Variants in PCDH15 observed in about 807,000 individuals in gnomAD.
The protein encoded by PCDH15 is protocadherin-15.
A neutral mutation model predicts 178.5 loss-of-function variants in PCDH15; 129 were observed. The ratio of observed to expected loss-of-function variants is 0.72; its 90% CI spans 0.63 to 0.84. The LOEUF is 0.84. Among genes scored for constraint, PCDH15 ranks in the 40% least tolerant of loss-of-function variants. The pLI is 0.00. For missense variants in PCDH15, 2,230 were observed against 2,099.9 expected (o/e 1.06, Z -1.21); for synonymous variants, 800 against 732.0 (o/e 1.09, Z -1.50).
At chr10:54,050,153 A>C (rs79275365) in intron 18 of PCDH15, among the ~76,000 whole-genome samples, 4,006 of 152,128 alleles carry the variant, frequency 0.026, 138 homozygotes, top group South Asian at 0.15. Context: ...TCTTCTCTGT[A>C]TGTCTGGTAG....
intron 2 of PCDH15, among the ~76,000 whole-genome samples, chr10:55,115,317 C>T (rs979568661): frequency 6.6e-6 from 1 of 152,174 alleles, no homozygotes; most frequent in African/African-American, 2.4e-5. Context: ...GCCTTTGACA[C>T]TGGTAGCATC....
At chr10:54,681,719 A>C (rs1411554437) in intron 1 of PCDH15, among the ~76,000 whole-genome samples, 1 of 152,194 alleles carries the variant, frequency 6.6e-6, no homozygotes, top group Non-Finnish European at 1.5e-5. Context: ...GCAAGTGAGC[A>C]ACCAAATGCG....
intron 1 of PCDH15, among the ~76,000 whole-genome samples, chr10:54,782,225 G>C (rs1950432207): frequency 6.6e-6 from 1 of 152,038 alleles, no homozygotes; most frequent in Non-Finnish European, 1.5e-5. Flanking sequence ...GCTTGATCTA[G>C]TAGTACAATA....
intron 2 of PCDH15, among the ~76,000 whole-genome samples, chr10:55,113,065 C>T (rs1308493575): frequency 1.3e-5 from 2 of 152,128 alleles, no homozygotes; most frequent in Non-Finnish European, 2.9e-5. Flanking sequence ...TGTAACATCA[C>T]CAGAACCCAA....
intron 2 of PCDH15, among the ~76,000 whole-genome samples, chr10:55,589,333 T>A (rs1367240269): frequency 2.0e-5 from 3 of 152,124 alleles, no homozygotes; most frequent in Non-Finnish European, 2.9e-5. Context: ...CATTGCTTGT[T>A]TTTCTCAGGT....
At chr10:55,268,832 T>C (rs1459261369) in intron 1 of PCDH15, among the ~76,000 whole-genome samples, 1 of 152,074 alleles carries the variant, frequency 6.6e-6, no homozygotes, top group Non-Finnish European at 1.5e-5. Flanking sequence ...TGACTAGATA[T>C]CAAGATCTCA....
In PCDH15 at chr10:54,731,960, A is replaced by G. The variant is rs565759599; in HGVS notation, c.-28-67670T>C. Among the ~76,000 whole-genome samples the G allele has an allele frequency of 2.1e-4, 32 of 151,508 alleles. No homozygotes were observed. In the Admixed American group the frequency reaches 2.1e-3, roughly 10 times the overall value. Reference sequence around the variant, plus strand: ...TACTAAGAATAATTTGAATGTTTCTAGCATAAACAATAAATATTTAATGGA... The same window carrying G: ...TACTAAGAATAATTTGAATGTTTCTGGCATAAACAATAAATATTTAATGGA... On this transcript the variant is annotated intron_variant, in intron 1 of 37. Transcript: ENST00000644397.
At chr10:55,457,037 T>C (rs541327495) in intron 2 of PCDH15, among the ~76,000 whole-genome samples, 25 of 152,026 alleles carry the variant, frequency 1.6e-4, no homozygotes, top group African/African-American at 4.8e-5. Flanking sequence ...GACTGTTGAA[T>C]ACCAAAATCT....
At chr10:54,426,348 A>G (rs1333695160) in intron 3 of PCDH15, among the ~76,000 whole-genome samples, 1 of 152,176 alleles carries the variant, frequency 6.6e-6, no homozygotes, top group Admixed American at 6.5e-5. Flanking sequence ...CAGATCATCA[A>G]GCATTACACT....
intron 1 of PCDH15, among the ~76,000 whole-genome samples, chr10:55,267,285 C>T (rs1274089055): frequency 6.6e-6 from 1 of 152,106 alleles, no homozygotes; most frequent in Non-Finnish European, 1.5e-5. Context: ...ATATATCTAT[C>T]TTTAATGTTG....
At chr10:54,769,912 C>T (rs1948905478) in intron 1 of PCDH15, among the ~76,000 whole-genome samples, 1 of 152,048 alleles carries the variant, frequency 6.6e-6, no homozygotes, top group Non-Finnish European at 1.5e-5. Context: ...TGGTTCCCTC[C>T]TTAACTGAAA....
chr10:54,467,950 A>G (rs1589569213), intron 3 of PCDH15, among the ~76,000 whole-genome samples: 1 of 151,950 alleles, frequency 6.6e-6, no homozygotes, highest in East Asian at 1.9e-4. Context: ...CAAATTAGTT[A>G]GTGTAGGGTT....
At chr10:54,616,802 C>T (rs1354174447) in intron 2 of PCDH15, among the ~76,000 whole-genome samples, 1 of 151,936 alleles carries the variant, frequency 6.6e-6, no homozygotes, top group African/African-American at 2.4e-5. Flanking sequence ...TACATGGAGG[C>T]TATATTTTAT....
chr10:54,487,719 A>C (rs1357925251), intron 3 of PCDH15, among the ~76,000 whole-genome samples: 1 of 152,042 alleles, frequency 6.6e-6, no homozygotes, highest in Non-Finnish European at 1.5e-5. Context: ...AAGGATCCAC[A>C]CATTAATCAA....
At chr10:53,925,046 T>A (rs1307070805) in intron 25 of PCDH15, among the ~76,000 whole-genome samples, 2 of 152,156 alleles carry the variant, frequency 1.3e-5, no homozygotes, top group South Asian at 2.1e-4. Context: ...ATCAGCAGGA[T>A]GTGGGTGGGG....
At chr10:54,278,596 A>C (rs1159641239) in intron 8 of PCDH15, among the ~76,000 whole-genome samples, 1 of 151,464 alleles carries the variant, frequency 6.6e-6, no homozygotes, top group Non-Finnish European at 1.5e-5. Context: ...GAACCCAGTG[A>C]CCCAACATAA....
At chr10:54,167,832 C>T (rs1415370538) in intron 13 of PCDH15, among the ~76,000 whole-genome samples, 2 of 79,298 alleles carry the variant, frequency 2.5e-5, no homozygotes, top group South Asian at 3.0e-4. Context: ...CATGCCCCAA[C>T]CCCTTATTTC....
intron 8 of PCDH15, among the ~76,000 whole-genome samples, chr10:54,283,803 G>A (rs936172319): frequency 3.9e-5 from 6 of 152,046 alleles, no homozygotes; most frequent in African/African-American, 7.2e-5. Flanking sequence ...CACAGGTTCA[G>A]TAAAAACATG....
chr10:55,158,836 A>G (rs769401108), intron 2 of PCDH15, among the ~76,000 whole-genome samples: 2 of 151,350 alleles, frequency 1.3e-5, no homozygotes, highest in Non-Finnish European at 2.9e-5. Flanking sequence ...TTATGTGGAA[A>G]TGTGTGTGGG....
Sources: gnomAD v4.1 joint callset for allele counts (sites outside exome capture counted in the v4.1 genomes callset) on GRCh38, gnomAD v4.1.1 for gene constraint, MANE v1.5 for transcripts, NCBI Gene and HGNC (gene_info 2026-07-23, HGNC 2026-07-21) for gene names.